Variants in MCC observed in about 807,000 individuals in gnomAD.
MCC encodes MCC regulator of Wnt signaling pathway.
In MCC, 90 loss-of-function variants were observed where a neutral mutation model predicts 116.2. That is an observed-to-expected ratio of 0.77 (90% CI 0.65 to 0.92). The LOEUF (loss-of-function observed/expected upper bound fraction) is 0.92. Ranked by LOEUF, MCC falls within the 40% of genes least tolerant of loss-of-function variation. MCC has a pLI of 0.00. For synonymous variants in MCC, 578 were observed against 510.5 expected, an observed-to-expected ratio of 1.13 and a Z score of -1.78; for missense variants, 1,516 against 1,312.2, an observed-to-expected ratio of 1.16 and a Z score of -2.40.
intron 3 of MCC, among the ~76,000 whole-genome samples, chr5:113,218,817 TTTAG>T (rs764688034): frequency 6.6e-6 from 1 of 151,534 alleles, no homozygotes; most frequent in Admixed American, 6.6e-5. Context: ...GTTTTAAATT[TTTAG>T]TTACTTTCAA....
rs1455860052 is a variant in MCC at position 113,177,455 on chromosome 5, C to T, written c.628-26033G>A. ...GGACTTTCAGCAATGGTTAGGAAAC[C>T]ATCCCAACAAATCTCTCAGGTACAT... is the stretch of plus-strand genomic sequence containing the variant. On this transcript the variant is annotated intron_variant, in intron 3 of 18. Transcript: ENST00000408903. Among the ~76,000 whole-genome samples the T allele has an allele frequency of 2.0e-5, 3 of 152,178 alleles. No homozygotes were observed. The East Asian group carries it at 5.8e-4, about 29-fold the overall frequency.
chr5:113,431,403 C>T (rs534027395), intron 1 of MCC, among the ~76,000 whole-genome samples: 4 of 152,124 alleles, frequency 2.6e-5, no homozygotes, highest in Non-Finnish European at 5.9e-5. Context: ...GGATCTGTTC[C>T]AGGCCTCTCT....
chr5:113,166,117 A>G (rs940212712), intron 3 of MCC, among the ~76,000 whole-genome samples: 1 of 152,178 alleles, frequency 6.6e-6, no homozygotes, highest in Non-Finnish European at 1.5e-5. Flanking sequence ...CCTTGTAGAC[A>G]TAGCACTAGG....
intron 15 of MCC, among the ~76,000 whole-genome samples, chr5:113,052,198 T>G (rs1244981470): frequency 6.6e-6 from 1 of 152,198 alleles, no homozygotes; most frequent in Non-Finnish European, 1.5e-5. Context: ...TGGCCAATTT[T>G]AAAAAGGAAA....
intron 1 of MCC, among the ~76,000 whole-genome samples, chr5:113,476,401 G>T (rs1031172938): frequency 6.6e-6 from 1 of 152,170 alleles, no homozygotes; most frequent in Non-Finnish European, 1.5e-5. Flanking sequence ...TACATTTATG[G>T]TCTATTGATT....
In MCC at chr5:113,353,797, T is replaced by A. The variant is rs147333430; in HGVS notation, c.416-13067A>T. 5.3e-3 allele frequency among the ~76,000 whole-genome samples: 800 copies of A among 152,342 alleles called. 6 individuals carry two copies. Among genetic ancestry groups the A allele is most frequent in the Middle Eastern group, 0.01 (3 of 294 alleles). ...TTTTAGCTGACCGTATGAAGATAGATACCTATCAACTGACATAGCCACATG... is the reference window on the plus strand; with the variant it reads ...TTTTAGCTGACCGTATGAAGATAGAAACCTATCAACTGACATAGCCACATG... On this transcript the variant is annotated intron_variant, in intron 2 of 18. Transcript: ENST00000408903.
chr5:113,096,223 G>T (rs80021256), intron 8 of MCC, among the ~76,000 whole-genome samples: 3,678 of 152,344 alleles, frequency 0.024, 127 homozygotes, highest in African/African-American at 0.077. Flanking sequence ...ACCTGCAGAG[G>T]GGAAGTAGAG....
At chr5:113,459,881 C>T (rs1027667178) in intron 1 of MCC, among the ~76,000 whole-genome samples, 5 of 150,416 alleles carry the variant, frequency 3.3e-5, no homozygotes, top group Non-Finnish European at 5.9e-5. Flanking sequence ...TATGTGCACA[C>T]CTTAGTTGTA....
chr5:113,154,473 G>T (rs994621142), intron 3 of MCC, among the ~76,000 whole-genome samples: 1 of 152,228 alleles, frequency 6.6e-6, no homozygotes, highest in African/African-American at 2.4e-5. Flanking sequence ...TAGGTGAGGA[G>T]AGGAGTGGAC....
At chr5:113,432,333 A>G (rs1770681650) in intron 1 of MCC, among the ~76,000 whole-genome samples, 1 of 151,290 alleles carries the variant, frequency 6.6e-6, no homozygotes, top group African/African-American at 2.4e-5. Flanking sequence ...AAAAAAAAAA[A>G]AAAAAAAAAA....
intron 6 of MCC, among the ~76,000 whole-genome samples, chr5:113,110,654 T>C (rs1384523900): frequency 6.6e-6 from 1 of 152,166 alleles, no homozygotes; most frequent in Non-Finnish European, 1.5e-5. Context: ...TGGCACTCAG[T>C]CTTCAAAGCT....
chr5:113,134,338 A>AC (rs1758657908), intron 5 of MCC, among the ~76,000 whole-genome samples: 1 of 151,938 alleles, frequency 6.6e-6, no homozygotes, highest in African/African-American at 2.4e-5. Flanking sequence ...TCTTTCCCCC[A>AC]TTGTATGTTC....
At chr5:113,152,064 G>A (rs1018872328) in intron 3 of MCC, among the ~76,000 whole-genome samples, 2 of 152,136 alleles carry the variant, frequency 1.3e-5, no homozygotes, top group Admixed American at 6.5e-5. Flanking sequence ...CCTCTTTCAG[G>A]AGCAGCACCA....
At chr5:113,471,162 C>A (rs369656981) in intron 1 of MCC, among the ~76,000 whole-genome samples, 3 of 151,960 alleles carry the variant, frequency 2.0e-5, no homozygotes, top group Non-Finnish European at 2.9e-5. Context: ...TCGTCTGAAG[C>A]CTTCTCTCAA....
chr5:113,462,483 A>G (rs1385400552), intron 1 of MCC, among the ~76,000 whole-genome samples: 1 of 152,166 alleles, frequency 6.6e-6, no homozygotes, highest in Non-Finnish European at 1.5e-5. Flanking sequence ...TGTCATTAAC[A>G]GTATTGTATA....
chr5:113,058,237 A>G (rs967114276), intron 14 of MCC, among the ~76,000 whole-genome samples: 2 of 152,222 alleles, frequency 1.3e-5, no homozygotes, highest in Admixed American at 6.5e-5. Context: ...AAAGAGTGGT[A>G]AAAGCTAGCA....
intron 1 of MCC, among the ~76,000 whole-genome samples, chr5:113,474,423 C>T (rs527786720): frequency 2.0e-5 from 3 of 152,084 alleles, no homozygotes; most frequent in East Asian, 1.9e-4. Flanking sequence ...TGCACAGCAC[C>T]GATGCTTGGA....
intron 5 of MCC, among the ~76,000 whole-genome samples, chr5:113,128,521 T>C (rs1758225998): frequency 1.3e-5 from 2 of 152,256 alleles, no homozygotes; most frequent in Non-Finnish European, 2.9e-5. Flanking sequence ...CCTCGTTCTT[T>C]CTTCAATACT....
rs75918283 is a variant in MCC at position 113,425,504 on chromosome 5, A to G, written c.171-40292T>C. Among the ~76,000 whole-genome samples, 995 of 152,310 alleles carry G rather than the reference A, an allele frequency of 6.5e-3. 8 individuals are homozygous for G. Among genetic ancestry groups the G allele is most frequent in the African/African-American group, 0.022 (930 of 41,566 alleles). On this transcript the variant is annotated intron_variant, in intron 1 of 18. Coordinates refer to ENST00000408903, the MANE Select transcript of MCC (RefSeq NM_001085377.2). ...CAAGAAACAATTCTATTTCTCTCCTATGTGACAAGAAGTGAGACTATTGAT... is the reference window on the plus strand; with the variant it reads ...CAAGAAACAATTCTATTTCTCTCCTGTGTGACAAGAAGTGAGACTATTGAT...
Sources: gnomAD v4.1 joint callset for allele counts (sites outside exome capture counted in the v4.1 genomes callset) on GRCh38, gnomAD v4.1.1 for gene constraint, MANE v1.5 for transcripts, NCBI Gene and HGNC (gene_info 2026-07-23, HGNC 2026-07-21) for gene names.